Variants in SLC39A11 observed in about 807,000 individuals in gnomAD.
SLC39A11 encodes solute carrier family 39 member 11, also known as zinc transporter ZIP11.
A neutral mutation model predicts 36.1 loss-of-function variants in SLC39A11; 33 were observed. That is an observed-to-expected ratio of 0.91 (90% confidence interval 0.69 to 1.22). The LOEUF (loss-of-function observed/expected upper bound fraction) is 1.22. Ranked by LOEUF, SLC39A11 falls within the 50% of genes most tolerant of loss-of-function variation. The pLI, the probability that SLC39A11 is intolerant of heterozygous loss-of-function variation, is 0.00. For synonymous variants in SLC39A11, 166 were observed against 170.3 expected (o/e 0.97, Z 0.20); for missense variants, 432 against 430.3 (o/e 1.00, Z -0.03).
intron 5 of SLC39A11, among the ~76,000 whole-genome samples, chr17:72,885,558 G>T (rs892020833): frequency 1.3e-5 from 2 of 151,974 alleles, no homozygotes; most frequent in Non-Finnish European, 2.9e-5. Flanking sequence ...TAATCCCAAG[G>T]GCACTACTTA....
chr17:72,648,448 TG>T (rs1301825325), intron 9 of SLC39A11, among the ~76,000 whole-genome samples: 1 of 151,988 alleles, frequency 6.6e-6, no homozygotes. Context: ...AAGACATGCA[TG>T]TATCACCTTC....
At chr17:73,078,512 G>A (rs144831213) in intron 3 of SLC39A11, among the ~76,000 whole-genome samples, 7 of 148,646 alleles carry the variant, frequency 4.7e-5, no homozygotes, top group African/African-American at 7.4e-5. Context: ...TTTTTGAGAC[G>A]GTCTCACTCT....
chr17:72,937,436 CAGAG>C lies in SLC39A11; in HGVS notation c.430+10312_430+10315del, dbSNP rs537261551. 7.2e-4 allele frequency among the ~76,000 whole-genome samples: 109 copies of C among 151,300 alleles called. 1 individual carries two copies. In the East Asian group the frequency reaches 8.8e-3, roughly 12 times the overall value. ...CGCCACTGCACTTCAGTCTGGGCAA[CAGAG>C]AGAGAGAGTCCGTCTAAACAAACAA... On this transcript the variant is annotated intron_variant, in intron 5 of 9. Coordinates refer to ENST00000255559, the MANE Select transcript of SLC39A11 (RefSeq NM_139177.4).
chr17:72,925,000 T>TC lies in SLC39A11; in HGVS notation c.430+22751dup, dbSNP rs1235824359. On this transcript the variant is annotated intron_variant, in intron 5 of 9. Transcript: ENST00000255559. ...CTGGGTGACAGAGTGAGACTCCATT[T>TC]CAAAAAAAAAAAAAAAAAAAAGCCA... Among the ~76,000 whole-genome samples the TC allele has an allele frequency of 3.4e-3, 305 of 90,634 alleles. 3 individuals carry two copies. Among genetic ancestry groups the TC allele is most frequent in the African/African-American group, 0.02 (294 of 14,954 alleles). 59.5% of individuals were successfully genotyped at this position (90,634 alleles called of 152,430 possible).
intron 5 of SLC39A11, among the ~76,000 whole-genome samples, chr17:72,885,106 C>T (rs79120860): frequency 0.017 from 2,590 of 152,282 alleles, 34 homozygotes; most frequent in Non-Finnish European, 0.029. Context: ...TCTGATGATA[C>T]TTGTAGGTTA....
chr17:72,887,809 A>AAATT (rs1567888079), intron 5 of SLC39A11, among the ~76,000 whole-genome samples: 4 of 152,216 alleles, frequency 2.6e-5, no homozygotes, highest in Non-Finnish European at 4.4e-5. Flanking sequence ...ATTGCTTATT[A>AAATT]AAGTGCCATC....
At chr17:73,039,395 G>A (rs1040202025) in intron 3 of SLC39A11, among the ~76,000 whole-genome samples, 1 of 152,140 alleles carries the variant, frequency 6.6e-6, no homozygotes, top group Non-Finnish European at 1.5e-5. Context: ...GGAGAGTGCT[G>A]TGCCTTAAGC....
intron 7 of SLC39A11, among the ~76,000 whole-genome samples, chr17:72,707,443 A>C (rs562873693): frequency 6.9e-6 from 1 of 144,060 alleles, no homozygotes; most frequent in African/African-American, 2.4e-5. Context: ...CAAAGAAAAT[A>C]AGTTTTGCTA....
intron 5 of SLC39A11, among the ~76,000 whole-genome samples, chr17:72,930,491 C>T (rs2084319116): frequency 6.6e-6 from 1 of 152,152 alleles, no homozygotes; most frequent in Admixed American, 6.6e-5. Context: ...CATTAAGAAT[C>T]CTCAAGTTGA....
At chr17:72,751,309 T>C (rs909296351) in intron 6 of SLC39A11, among the ~76,000 whole-genome samples, 4 of 152,198 alleles carry the variant, frequency 2.6e-5, no homozygotes, top group African/African-American at 9.6e-5. Flanking sequence ...ATCAGGTTGC[T>C]ATATGAAGGT....
chr17:72,996,225 C>T (rs1315541149), intron 4 of SLC39A11, among the ~76,000 whole-genome samples: 6 of 152,340 alleles, frequency 3.9e-5, no homozygotes, highest in African/African-American at 7.2e-5. Context: ...CCTGGTGTCT[C>T]GGCCCCGTCT....
intron 4 of SLC39A11, among the ~76,000 whole-genome samples, chr17:72,955,988 T>C (rs2147857652): frequency 6.6e-6 from 1 of 152,232 alleles, no homozygotes; most frequent in Non-Finnish European, 1.5e-5. Context: ...GACGGGTAGA[T>C]ACCTATCCTA....
chr17:72,812,928 A>ACTT (rs1568132642), intron 6 of SLC39A11, among the ~76,000 whole-genome samples: 10 of 152,038 alleles, frequency 6.6e-5, no homozygotes, highest in African/African-American at 2.4e-4. Context: ...ACACAGTCCG[A>ACTT]TGAACAAGCT....
chr17:72,953,505 G>A (rs575240711), intron 4 of SLC39A11, among the ~76,000 whole-genome samples: 1 of 152,142 alleles, frequency 6.6e-6, no homozygotes, highest in Non-Finnish European at 1.5e-5. Context: ...GTGCAGTGTG[G>A]CCTGCTGTCC....
chr17:73,003,443 G>T (rs1268643559), intron 4 of SLC39A11, among the ~76,000 whole-genome samples: 1 of 152,170 alleles, frequency 6.6e-6, no homozygotes, highest in African/African-American at 2.4e-5. Context: ...CAAAGGCACT[G>T]GTGGGCAGTA....
At chr17:72,770,945 A>G (rs2075911635) in intron 6 of SLC39A11, among the ~76,000 whole-genome samples, 1 of 151,988 alleles carries the variant, frequency 6.6e-6, no homozygotes, top group African/African-American at 2.4e-5. Context: ...ACACGAGTAA[A>G]CCGTAGGAGG....
intron 5 of SLC39A11, among the ~76,000 whole-genome samples, chr17:72,869,904 C>T (rs1009929680): frequency 6.6e-6 from 1 of 152,142 alleles, no homozygotes; most frequent in Non-Finnish European, 1.5e-5. Context: ...TAACTGGTCA[C>T]AGATTTTAAT....
At chr17:72,658,534 C>A (rs1284888126) in intron 7 of SLC39A11, among the ~76,000 whole-genome samples, 2 of 152,346 alleles carry the variant, frequency 1.3e-5, no homozygotes, top group East Asian at 3.9e-4. Context: ...GCATCCTCCT[C>A]CTACTACCCC....
At chr17:72,670,782 A>T (rs942588954) in intron 7 of SLC39A11, among the ~76,000 whole-genome samples, 1 of 152,130 alleles carries the variant, frequency 6.6e-6, no homozygotes, top group Non-Finnish European at 1.5e-5. Context: ...AGATGTACTT[A>T]CCTTCTGGCA....
Sources: gnomAD v4.1 joint callset for allele counts (sites outside exome capture counted in the v4.1 genomes callset) on GRCh38, gnomAD v4.1.1 for gene constraint, MANE v1.5 for transcripts, NCBI Gene and HGNC (gene_info 2026-07-23, HGNC 2026-07-21) for gene names.